Variants in FLNB observed in about 807,000 individuals in gnomAD.
FLNB encodes the protein filamin-B.
FLNB carries 111 observed loss-of-function variants against 250.6 expected under a neutral mutation model. The observed-to-expected ratio is 0.44, with a 90% CI of 0.38 to 0.52. FLNB has a LOEUF of 0.52. Ranked by LOEUF, FLNB falls within the 20% of genes least tolerant of loss-of-function variation. The probability of loss-of-function intolerance (pLI) is 0.00; values close to 1 mark genes in which losing one functional copy is unlikely to be tolerated. For missense variants in FLNB, 2,869 were observed against 3,447.8 expected (o/e 0.83, Z 4.20); for synonymous variants, 1,302 against 1,372.1 (o/e 0.95, Z 1.13).
rs767210448 is a variant in FLNB at position 58,149,866 on chromosome 3, C to T, written c.6108C>T (p.Ser2036=). 7.0e-5 allele frequency: 113 copies of T among 1,614,116 alleles called. No individual in the cohort carries two copies. The highest frequency in any genetic ancestry group is 9.3e-5 in the Non-Finnish European group (110 of 1,180,052). ...DTRDAGYGGI[S]LAVEGPSKVD... ...GTGTTGCAGGTTATGGTGGCATATC[C>T]TTGGCGGTGGAAGGCCCCAGCAAAG... Residue 2036 remains serine (S), a synonymous_variant, in exon 37 of 46, where the codon TCC becomes TCT. Coordinates refer to ENST00000295956, the MANE Select transcript of FLNB (RefSeq NM_001457.4).
At position 58,148,300 on chromosome 3, in the gene FLNB, C is replaced by T. The variant is rs768618412; in HGVS notation, c.5823C>T (p.Ser1941=). The change falls in exon 35 of 46, where the codon AGC becomes AGT. Residue 1941 remains serine, a synonymous_variant. Coordinates refer to ENST00000295956, the MANE Select transcript of FLNB (RefSeq NM_001457.4). ...SETDLSSLTA[S]IKAPSGRDEP... is the part of the protein sequence containing the mutation. ...CTGACCTCAGCAGCCTGACGGCCAG[C>T]ATTAAGGCCCCATCTGGCCGAGACG... is the stretch of plus-strand genomic sequence containing the variant. The T allele has an allele frequency of 1.1e-5, 18 of 1,614,120 alleles. No individual in the cohort carries two copies. Among genetic ancestry groups the T allele is most frequent in the Non-Finnish European group, 1.5e-5 (18 of 1,180,008 alleles).
At chr3:58,141,751 A>G in intron 29 of FLNB, 107 bp from the exon 30 acceptor site, 1 of 1,042,158 alleles carries the variant, frequency 9.6e-7, no homozygotes, top group East Asian at 2.4e-5. Flanking sequence ...TGAGTGGCTC[A>G]CTGCAGTTCA....
At chr3:58,072,699 T>C (rs1011500186) in intron 1 of FLNB, among the ~76,000 whole-genome samples, 32 of 152,146 alleles carry the variant, frequency 2.1e-4, no homozygotes, top group African/African-American at 7.7e-4. Context: ...CTCTCTCTAG[T>C]CCTTATAATA....
intron 42 of FLNB, 169 bp from the exon 43 acceptor site, chr3:58,162,985 C>A: frequency 1.4e-6 from 1 of 694,920 alleles, no homozygotes; most frequent in Non-Finnish European, 2.6e-6. Flanking sequence ...ATGAGGGATA[C>A]CCAGGGGGTC....
chr3:58,025,104 T>C (rs1404109403), intron 1 of FLNB, among the ~76,000 whole-genome samples: 1 of 145,056 alleles, frequency 6.9e-6, no homozygotes, highest in Non-Finnish European at 1.5e-5. Flanking sequence ...TTTCTTTTTT[T>C]TCTTTTTTCT....
intron 29 of FLNB, 35 bp downstream of exon 29, chr3:58,138,564 T>C (rs1575447350): frequency 1.2e-6 from 2 of 1,613,196 alleles, no homozygotes; most frequent in Non-Finnish European, 1.7e-6. Context: ...CATGCTGTTA[T>C]TGGTGGAAAC....
chr3:58,102,692 G>A (rs970234002), intron 9 of FLNB, among the ~76,000 whole-genome samples: 5 of 152,200 alleles, frequency 3.3e-5, no homozygotes, highest in South Asian at 2.1e-4. Flanking sequence ...GTCATACAGC[G>A]TTTGTAATCA....
chr3:58,085,541 T>C (rs2097216055), intron 4 of FLNB, among the ~76,000 whole-genome samples: 1 of 152,246 alleles, frequency 6.6e-6, no homozygotes, highest in African/African-American at 2.4e-5. Context: ...TTAGCATTTG[T>C]TGATCCATTC....
Position 58,142,632 on chromosome 3 carries a change from A to G in FLNB, c.5182-18A>G. The G allele has an allele frequency of 6.2e-7, 1 of 1,603,044 alleles. No individual in the cohort carries two copies. The highest frequency in any genetic ancestry group is 8.5e-7 in the Non-Finnish European group (1 of 1,170,332). On this transcript the variant is annotated intron_variant, in intron 30 of 45. Transcript: ENST00000295956. The surrounding 1 kb of genome is among the most constrained non-coding windows in gnomAD (Gnocchi z 4.3). ...CTGTTGTCTGCTTTACCCAGTGACC[A>G]CTGCCTTCTGTTTTTAGGTGACCGA...
chr3:58,158,014 CA>C (rs112816100), intron 41 of FLNB, among the ~76,000 whole-genome samples: 5,865 of 150,360 alleles, frequency 0.039, 379 homozygotes, highest in African/African-American at 0.14. Context: ...GAGGCCCACG[CA>C]AGCAACATCT....
intron 43 of FLNB, among the ~76,000 whole-genome samples, chr3:58,167,731 G>A (rs987734792): frequency 1.3e-5 from 2 of 152,250 alleles, no homozygotes; most frequent in African/African-American, 4.8e-5. Context: ...TTCTGGTTGT[G>A]TAGCGTGACT....
intron 20 of FLNB, among the ~76,000 whole-genome samples, chr3:58,122,631 C>T (rs947380730): frequency 6.6e-6 from 1 of 152,176 alleles, no homozygotes; most frequent in Non-Finnish European, 1.5e-5. Flanking sequence ...GTGAAAGCCT[C>T]CTTCCTCACT....
At chr3:58,124,256 C>A in intron 21 of FLNB, 76 bp from the exon 22 acceptor site, 2 of 1,521,944 alleles carry the variant, frequency 1.3e-6, no homozygotes, top group South Asian at 2.2e-5. Context: ...CCTGAAGTGC[C>A]AAGAACCTTG....
chr3:58,031,573 G>T (rs1294793645), intron 1 of FLNB, among the ~76,000 whole-genome samples: 3 of 119,858 alleles, frequency 2.5e-5, no homozygotes, highest in African/African-American at 3.8e-5. Flanking sequence ...TTTTTTAAAG[G>T]CAGAGTCTTG....
chr3:58,014,398 C>T (rs1034421988), intron 1 of FLNB, among the ~76,000 whole-genome samples: 4 of 152,250 alleles, frequency 2.6e-5, no homozygotes, highest in African/African-American at 9.6e-5. Context: ...GTCATTCCAG[C>T]CTCCCACCCC....
At position 58,081,691 on chromosome 3, in the gene FLNB, G is replaced by T. The variant is rs776986249; in HGVS notation, c.702G>T (p.Leu234=). 24 of 1,613,960 alleles carry T rather than the reference G, an allele frequency of 1.5e-5. No homozygotes were observed. Among genetic ancestry groups the T allele is most frequent in the African/African-American group, 4.0e-5 (3 of 74,890 alleles). The change falls in exon 4 of 46, where the codon CTG becomes CTT. Residue 234 remains leucine (L), a synonymous_variant. Transcript: ENST00000295956. ...DVDEHSVMTY[L]SQFPKAKLKP... ...ACGAGCACTCAGTTATGACTTACCT[G>T]TCCCAGTTCCCCAAAGCCAAGCTCA...
At position 58,098,714 on chromosome 3, in the gene FLNB, C is replaced by T. The variant is rs1210302459; in HGVS notation, c.1151C>T (p.Ala384Val). 2 of 1,613,922 alleles carry T rather than the reference C, an allele frequency of 1.2e-6. No homozygotes were observed. The highest frequency in any genetic ancestry group is 2.7e-5 in the African/African-American group (2 of 74,902). ...TGGAATGCTTGCTTTCTTGTAGGAG[C>T]TGGTGTGGGTGACATTGGTGTGGAG... The part of the protein sequence containing the change: ...PTYFDIYTAG[A>V]GVGDIGVEVE... Residue 384 changes from alanine to valine, a missense_variant, in exon 8 of 46, where the codon GCT becomes GTT. Coordinates refer to ENST00000295956, the MANE Select transcript of FLNB (RefSeq NM_001457.4).
In FLNB at chr3:58,141,919, T is replaced by A. The variant is rs767365016; in HGVS notation, c.5171T>A (p.Phe1724Tyr). The A allele has an allele frequency of 3.9e-5, 63 of 1,614,126 alleles. No individual in the cohort carries two copies. Among genetic ancestry groups the A allele is most frequent in the Non-Finnish European group, 5.0e-5 (59 of 1,179,980 alleles). Residue 1724 changes from phenylalanine to tyrosine, a missense_variant, in exon 30 of 46, where the codon TTC (phenylalanine) becomes TAC (tyrosine). Around this residue, in one of 5 missense-constraint regions of FLNB, gnomAD observed 1,084 missense variants for 1,315.5 expected, o/e 0.82. Coordinates refer to ENST00000295956, the MANE Select transcript of FLNB (RefSeq NM_001457.4). ...CCGGTAAATGCATGTCCCCCTGGATTCAGGCCCTGGGTACAATTTTGGTTT... is the reference window on the plus strand; with the variant it reads ...CCGGTAAATGCATGTCCCCCTGGATACAGGCCCTGGGTACAATTTTGGTTT... ...EAPVNACPPGFRPWVTEEAYV... is the reference protein window; with the variant it reads ...EAPVNACPPGYRPWVTEEAYV...
At chr3:58,017,620 C>T (rs2097107662) in intron 1 of FLNB, among the ~76,000 whole-genome samples, 1 of 152,174 alleles carries the variant, frequency 6.6e-6, no homozygotes, top group African/African-American at 2.4e-5. Context: ...TTTGAAGCTC[C>T]TGCCCTCTAA....
Sources: gnomAD v4.1 joint callset for allele counts (sites outside exome capture counted in the v4.1 genomes callset) on GRCh38, gnomAD v4.1.1 for gene constraint, gnomAD v4.1.1 regional missense constraint, Gnocchi (gnomAD v3.1) non-coding constraint, MANE v1.5 for transcripts, NCBI Gene and HGNC (gene_info 2026-07-23, HGNC 2026-07-21) for gene names.